LRP2: variants seen among roughly 807,000 people sequenced by gnomAD.
LRP2 encodes the protein LDL receptor related protein 2.
LRP2 carries 172 observed loss-of-function variants against 531.0 expected under a neutral mutation model. The ratio of observed to expected loss-of-function variants is 0.32; its 90% CI spans 0.29 to 0.37. The LOEUF is 0.37. LRP2 is among the 10% of genes least tolerant of loss of function. The pLI, the probability that LRP2 is intolerant of heterozygous loss-of-function variation, is 1.00. For synonymous variants in LRP2, 1,992 were observed against 2,027.6 expected (o/e 0.98, Z 0.47); for missense variants, 5,167 against 5,868.3 (o/e 0.88, Z 3.90).
chr2:169,303,844 C>T (rs1684345131), intron 4 of LRP2, among the ~76,000 whole-genome samples: 2 of 152,216 alleles, frequency 1.3e-5, no homozygotes, highest in Non-Finnish European at 2.9e-5. Context: ...ATTCCAGAAA[C>T]AGTAAGCCAA....
rs1388350028 is a variant in LRP2 at position 169,180,988 on chromosome 2, T to C, written c.10169+460A>G. Among the ~76,000 whole-genome samples, 6 of 152,372 alleles carry C rather than the reference T, an allele frequency of 3.9e-5. No individual in the cohort carries two copies. In the East Asian group the frequency reaches 1.2e-3, roughly 29 times the overall value. ...AATGTTAACAGACTCTACTGCCACCTAAAACACTGCACTGCACTTAACCAT... is the reference window on the plus strand; with the variant it reads ...AATGTTAACAGACTCTACTGCCACCCAAAACACTGCACTGCACTTAACCAT... On this transcript the variant is annotated intron_variant, in intron 52 of 78. Coordinates refer to ENST00000649046, the MANE Select transcript of LRP2 (RefSeq NM_004525.3).
At chr2:169,295,510 A>G (rs1045919464) in intron 4 of LRP2, among the ~76,000 whole-genome samples, 2 of 152,048 alleles carry the variant, frequency 1.3e-5, no homozygotes, top group Non-Finnish European at 2.9e-5. Context: ...CCTCCTCTCT[A>G]CTTGCCAGAC....
intron 1 of LRP2, among the ~76,000 whole-genome samples, chr2:169,339,695 C>T (rs906718243): frequency 6.6e-6 from 1 of 152,002 alleles, no homozygotes; most frequent in Non-Finnish European, 1.5e-5. Context: ...ATTACTAACC[C>T]CTGTTATTAG....
chr2:169,168,653 A>G lies in LRP2; in HGVS notation c.11521T>C (p.Tyr3841His). Reference sequence around the variant, plus strand: ...CATTCGAACATAGTAGCCTGGCAGTATGCACCATCAGGAAAGCGTGTGGCT... The same window carrying G: ...CATTCGAACATAGTAGCCTGGCAGTGTGCACCATCAGGAAAGCGTGTGGCT... ...DCPTRFPDGA[Y>H]CQATMFECKN... The change falls in exon 61 of 79, where the codon TAC becomes CAC. Residue 3841 changes from tyrosine (Y) to histidine (H), a missense_variant. Tyr to His is a moderately conservative substitution (Grantham distance 83). Transcript: ENST00000649046. 1 of 1,614,144 alleles carries G rather than the reference A, an allele frequency of 6.2e-7. No homozygotes were observed. Among genetic ancestry groups the G allele is most frequent in the Admixed American group, 1.7e-5 (1 of 60,016 alleles).
At chr2:169,193,428 CAA>C (rs1166288828) in intron 47 of LRP2, among the ~76,000 whole-genome samples, 9 of 62,274 alleles carry the variant, frequency 1.4e-4, no homozygotes, top group Non-Finnish European at 2.6e-4. Context: ...AAGACCTTGT[CAA>C]AAAAAAAAAA....
In LRP2 at chr2:169,176,411, T is replaced by C. The variant is rs746034315; in HGVS notation, c.10571A>G (p.Lys3524Arg). The change falls in exon 54 of 79, where the codon AAG (lysine) becomes AGG (arginine). Residue 3524 changes from lysine (K) to arginine (R), a missense_variant and splice_region_variant. Transcript: ENST00000649046. ...STQFLCANNE[K>R]CIPIWWKCDG... Reference sequence around the variant, plus strand: ...GAGGAGAGGGGAAAGAGAGCCTTACTTTTCATTGTTAGCGCACAGGAACTG... The same window carrying C: ...GAGGAGAGGGGAAAGAGAGCCTTACCTTTCATTGTTAGCGCACAGGAACTG... 3 of 1,614,136 alleles carry C rather than the reference T, an allele frequency of 1.9e-6. No homozygotes were observed. The highest frequency in any genetic ancestry group is 2.2e-5 in the South Asian group (2 of 91,072).
intron 4 of LRP2, among the ~76,000 whole-genome samples, chr2:169,300,535 T>C (rs1684262202): frequency 6.6e-6 from 1 of 152,062 alleles, no homozygotes; most frequent in Non-Finnish European, 1.5e-5. Context: ...TTAACGTTAA[T>C]GCTAGGAAAC....
intron 8 of LRP2, among the ~76,000 whole-genome samples, chr2:169,289,609 C>T (rs1683948863): frequency 6.6e-6 from 1 of 151,598 alleles, no homozygotes; most frequent in Non-Finnish European, 1.5e-5. Context: ...TAACTATGTG[C>T]AAGTATAAGT....
intron 1 of LRP2, among the ~76,000 whole-genome samples, chr2:169,329,729 G>A (rs1429604250): frequency 6.6e-6 from 1 of 152,214 alleles, no homozygotes; most frequent in Non-Finnish European, 1.5e-5. Flanking sequence ...TGCTAGCAGA[G>A]AAGGGTCTCA....
Position 169,201,846 on chromosome 2 carries a change from G to C in LRP2, c.8234C>G (p.Ala2745Gly). 1 of 1,614,178 alleles carries C rather than the reference G, an allele frequency of 6.2e-7. No homozygotes were observed. Among genetic ancestry groups the C allele is most frequent in the Non-Finnish European group, 8.5e-7 (1 of 1,180,026 alleles). Residue 2745 changes from alanine (A) to glycine (G), a missense_variant, in exon 44 of 79, where the codon GCC becomes GGC. Transcript: ENST00000649046. ...ACATCGCCCATTGGCACAGGTGAAGGCTGTCGGTGAGCAGGTGTGAAGTGC... is the reference window on the plus strand; with the variant it reads ...ACATCGCCCATTGGCACAGGTGAAGCCTGTCGGTGAGCAGGTGTGAAGTGC... ...VCALHTCSPT[A>G]FTCANGRCVQ...
At chr2:169,358,117 GC>G (rs1251248821) in intron 1 of LRP2, among the ~76,000 whole-genome samples, 5 of 152,180 alleles carry the variant, frequency 3.3e-5, no homozygotes, top group Admixed American at 3.3e-4. Context: ...AGATTCATCT[GC>G]TTATCAGACT....
At chr2:169,210,360 C>A (rs1688551518) in intron 37 of LRP2, among the ~76,000 whole-genome samples, 1 of 152,152 alleles carries the variant, frequency 6.6e-6, no homozygotes, top group Admixed American at 6.5e-5. Flanking sequence ...CCACCTTAAC[C>A]AAGTGATCAA....
chr2:169,243,288 C>T, intron 23 of LRP2, 115 bp downstream of exon 23: 1 of 1,281,808 alleles, frequency 7.8e-7, no homozygotes, highest in Non-Finnish European at 1.1e-6. Flanking sequence ...CCTTCTCTAG[C>T]TCCCCACCCC....
rs746070288 is a variant in LRP2 at position 169,140,521 on chromosome 2, G to C, written c.13133C>G (p.Pro4378Arg). ...DAAIELPINL[P>R]PPCRCMHGGN... ...TCCGTGCATGCACCTGCATGGGGGG[G>C]GCAGGTTGATAGGCAGTTCGATGGC... is the stretch of plus-strand genomic sequence containing the variant. Residue 4378 changes from proline (P) to arginine (R), a missense_variant, in exon 72 of 79, where the codon CCC (proline) becomes CGC (arginine). Physicochemically the swap from Pro to Arg is moderately radical, Grantham distance 103. Around this residue, in one of 6 missense-constraint regions of LRP2, gnomAD observed 348 missense variants for 369.3 expected, o/e 0.94. Transcript: ENST00000649046. 3.1e-6 allele frequency: 5 copies of C among 1,613,958 alleles called. No individual in the cohort carries two copies. Among genetic ancestry groups the C allele is most frequent in the Non-Finnish European group, 4.2e-6 (5 of 1,179,880 alleles).
intron 49 of LRP2, among the ~76,000 whole-genome samples, chr2:169,186,857 T>C (rs1313076840): frequency 6.6e-6 from 1 of 152,202 alleles, no homozygotes; most frequent in Non-Finnish European, 1.5e-5. Context: ...ATTCTTATAG[T>C]TGAGGTAAGG....
At chr2:169,223,919 T>C (rs920033988) in intron 33 of LRP2, among the ~76,000 whole-genome samples, 8 of 152,180 alleles carry the variant, frequency 5.3e-5, no homozygotes, top group Admixed American at 5.2e-4. Context: ...CTTTGTAAAC[T>C]CAAGCGCTGT....
At chr2:169,273,172 T>C (rs999716544) in intron 14 of LRP2, 105 bp from the exon 15 acceptor site, 22 of 1,297,426 alleles carry the variant, frequency 1.7e-5, no homozygotes, top group Non-Finnish European at 2.3e-5. Context: ...AATAGAGTAA[T>C]GGATTAGCAA....
At chr2:169,357,289 T>TTTTTATTTTATTTTATTTTATTTTA in intron 1 of LRP2, among the ~76,000 whole-genome samples, 1 of 116,996 alleles carries the variant, frequency 8.5e-6, no homozygotes, top group African/African-American at 3.3e-5. Context: ...TTTTTATTTA[T>TTTTTATTTTATTTTATTTTATTTTA]TTTTATTTTA....
At chr2:169,355,377 G>A (rs1014742999) in intron 1 of LRP2, among the ~76,000 whole-genome samples, 3 of 152,124 alleles carry the variant, frequency 2.0e-5, no homozygotes, top group African/African-American at 7.2e-5. Flanking sequence ...TATCTGATAA[G>A]GTATACTGAA....
Sources: gnomAD v4.1 joint callset for allele counts (sites outside exome capture counted in the v4.1 genomes callset) on GRCh38, gnomAD v4.1.1 for gene constraint, gnomAD v4.1.1 regional missense constraint, MANE v1.5 for transcripts, NCBI Gene and HGNC (gene_info 2026-07-23, HGNC 2026-07-21) for gene names.